The following DPYD variants were observed in gnomAD, a reference collection of about 807,000 sequenced individuals.
DPYD encodes the protein dihydropyrimidine dehydrogenase, also known as dihydropyrimidine dehydrogenase [NADP(+)].
A neutral mutation model predicts 116.2 loss-of-function variants in DPYD; 109 were observed. The ratio of observed to expected loss-of-function variants is 0.94; its 90% CI spans 0.80 to 1.10. The LOEUF (loss-of-function observed/expected upper bound fraction) is 1.10. Among genes scored for constraint, DPYD ranks in the 50% least tolerant of loss-of-function variants. DPYD has a pLI of 0.00. For missense variants in DPYD, 1,302 were observed against 1,254.5 expected, an observed-to-expected ratio of 1.04 and a Z score of -0.57; for synonymous variants, 440 against 432.0, an observed-to-expected ratio of 1.02 and a Z score of -0.23.
intron 2 of DPYD, among the ~76,000 whole-genome samples, chr1:97,858,263 C>T (rs1044605688): frequency 6.6e-6 from 1 of 152,050 alleles, no homozygotes; most frequent in Admixed American, 6.6e-5. Flanking sequence ...AAGTGCATAA[C>T]TAAATTGCTT....
chr1:97,611,993 C>T (rs540125767), intron 8 of DPYD, among the ~76,000 whole-genome samples: 1 of 152,126 alleles, frequency 6.6e-6, no homozygotes, highest in African/African-American at 2.4e-5. Flanking sequence ...TTAACATAAC[C>T]TTCAAGCATT....
At chr1:97,450,369 T>C (rs910376083) in intron 13 of DPYD, 146 bp from the exon 14 acceptor site, 2 of 805,252 alleles carry the variant, frequency 2.5e-6, no homozygotes, top group Non-Finnish European at 3.8e-6. Context: ...TAAATTAGAA[T>C]TGAACATAAA....
At chr1:97,496,955 T>C (rs879566036) in intron 13 of DPYD, among the ~76,000 whole-genome samples, 6 of 152,010 alleles carry the variant, frequency 3.9e-5, no homozygotes, top group Non-Finnish European at 8.8e-5. Context: ...GAGCACTCTA[T>C]TGCCATCCAA....
intron 2 of DPYD, among the ~76,000 whole-genome samples, chr1:97,857,600 C>T (rs1011571874): frequency 2.0e-5 from 3 of 152,072 alleles, no homozygotes; most frequent in South Asian, 2.1e-4. Flanking sequence ...GTGGTGTTCC[C>T]GAGGGCATGG....
At chr1:97,445,375 A>G (rs942435012) in intron 14 of DPYD, among the ~76,000 whole-genome samples, 2 of 152,238 alleles carry the variant, frequency 1.3e-5, no homozygotes, top group Non-Finnish European at 2.9e-5. Flanking sequence ...CATTGCATGT[A>G]TATAACATGC....
intron 4 of DPYD, among the ~76,000 whole-genome samples, chr1:97,732,212 G>C (rs1039148547): frequency 6.6e-6 from 1 of 151,868 alleles, no homozygotes; most frequent in Admixed American, 6.6e-5. Flanking sequence ...AAAATGAGCC[G>C]GGAGCTGTAA....
At chr1:97,752,658 T>C (rs919625006) in intron 3 of DPYD, among the ~76,000 whole-genome samples, 3 of 152,204 alleles carry the variant, frequency 2.0e-5, no homozygotes, top group Non-Finnish European at 2.9e-5. Flanking sequence ...TGCTCTTCCC[T>C]TTCCTGAAGA....
chr1:97,427,622 C>T (rs756016677), intron 14 of DPYD, among the ~76,000 whole-genome samples: 18 of 151,822 alleles, frequency 1.2e-4, no homozygotes, highest in Admixed American at 3.9e-4. Context: ...TTGTGTTCCC[C>T]AGCTCCCAGC....
intron 8 of DPYD, among the ~76,000 whole-genome samples, chr1:97,619,204 G>A (rs1034270780): frequency 6.6e-6 from 1 of 152,030 alleles, no homozygotes; most frequent in Admixed American, 6.6e-5. Flanking sequence ...AAATCAATTA[G>A]GTAATCATAA....
chr1:97,700,779 G>A (rs921049681), intron 5 of DPYD, among the ~76,000 whole-genome samples: 5 of 151,784 alleles, frequency 3.3e-5, no homozygotes, highest in African/African-American at 9.7e-5. Context: ...TGATTGATAT[G>A]TTCAAAAATA....
chr1:97,291,558 A>G (rs1479625759), intron 18 of DPYD, among the ~76,000 whole-genome samples: 7 of 152,216 alleles, frequency 4.6e-5, no homozygotes, highest in Non-Finnish European at 8.8e-5. Flanking sequence ...GAAATTGGAA[A>G]TCATCATTCT....
At chr1:97,142,019 T>C (rs552637062) in intron 20 of DPYD, among the ~76,000 whole-genome samples, 1 of 152,310 alleles carries the variant, frequency 6.6e-6, no homozygotes, top group Admixed American at 6.5e-5. Flanking sequence ...AAGAACTCCT[T>C]TGATTGACTC....
intron 20 of DPYD, among the ~76,000 whole-genome samples, chr1:97,135,395 A>C (rs1653707742): frequency 6.6e-6 from 1 of 152,182 alleles, no homozygotes; most frequent in Non-Finnish European, 1.5e-5. Flanking sequence ...GAGAGCTATA[A>C]AACTCATGAA....
chr1:97,834,059 G>A (rs1381511931), intron 2 of DPYD, among the ~76,000 whole-genome samples: 1 of 151,978 alleles, frequency 6.6e-6, no homozygotes, highest in Non-Finnish European at 1.5e-5. Flanking sequence ...TTAGTATCAG[G>A]GAGGATGATT....
chr1:97,497,974 C>G (rs994831186), intron 13 of DPYD, among the ~76,000 whole-genome samples: 1 of 151,662 alleles, frequency 6.6e-6, no homozygotes, highest in African/African-American at 2.4e-5. Context: ...GGTATATCCA[C>G]AGAAAGAAAT....
chr1:97,189,466 T>C (rs1258708146), intron 20 of DPYD, among the ~76,000 whole-genome samples: 1 of 152,194 alleles, frequency 6.6e-6, no homozygotes, highest in Non-Finnish European at 1.5e-5. Flanking sequence ...AGACATTTTC[T>C]TTCATGCTTT....
intron 16 of DPYD, among the ~76,000 whole-genome samples, chr1:97,308,151 T>C (rs1236336675): frequency 3.3e-5 from 5 of 151,834 alleles, no homozygotes; most frequent in Non-Finnish European, 1.5e-5. Context: ...ACATTTTTCC[T>C]GATTTTCACT....
chr1:97,420,753 G>A (rs567938544), intron 14 of DPYD, among the ~76,000 whole-genome samples: 28 of 152,212 alleles, frequency 1.8e-4, no homozygotes, highest in Non-Finnish European at 3.5e-4. Flanking sequence ...AACTTCAAAG[G>A]TACTGCATCA....
chr1:97,239,012 G>T (rs1048011150), intron 18 of DPYD, among the ~76,000 whole-genome samples: 1 of 152,092 alleles, frequency 6.6e-6, no homozygotes, highest in African/African-American at 2.4e-5. Flanking sequence ...AAATGAACTG[G>T]ACTTATGAGT....
Sources: allele counts gnomAD v4.1 joint callset (sites outside exome capture counted in the v4.1 genomes callset), GRCh38; gene constraint gnomAD v4.1.1; transcripts MANE v1.5; gene names NCBI Gene and HGNC (gene_info 2026-07-23, HGNC 2026-07-21).